OPRD1: variants seen among roughly 807,000 people sequenced by gnomAD.
OPRD1 encodes the protein delta-type opioid receptor.
A neutral mutation model predicts 17.5 loss-of-function variants in OPRD1; 19 were observed. The ratio of observed to expected loss-of-function variants is 1.09; its 90% CI spans 0.76 to 1.60. OPRD1 has a LOEUF of 1.60. Ranked by LOEUF, OPRD1 falls within the 40% of genes most tolerant of loss-of-function variation. The pLI is 0.00. For missense variants in OPRD1, 483 were observed against 547.2 expected (o/e 0.88, Z 1.17); for synonymous variants, 256 against 240.9 (o/e 1.06, Z -0.58).
intron 1 of OPRD1, among the ~76,000 whole-genome samples, chr1:28,815,779 G>A (rs2088667872): frequency 6.6e-6 from 1 of 152,216 alleles, no homozygotes; most frequent in Non-Finnish European, 1.5e-5. Flanking sequence ...TTGAATGAGT[G>A]AATTCTGCCT....
chr1:28,839,184 G>T (rs1334849248), intron 1 of OPRD1, among the ~76,000 whole-genome samples: 1 of 152,198 alleles, frequency 6.6e-6, no homozygotes, highest in African/African-American at 2.4e-5. Flanking sequence ...GCAGGGCTGT[G>T]CTTTCTCTGA....
chr1:28,841,102 C>T (rs1569629572), intron 1 of OPRD1, among the ~76,000 whole-genome samples: 1 of 152,234 alleles, frequency 6.6e-6, no homozygotes, highest in Admixed American at 6.5e-5. Flanking sequence ...ATACTGGCTG[C>T]TGCCCCCTTG....
rs1435121285 is a variant in OPRD1 at position 28,848,945 on chromosome 1, G to A, written c.228-10009G>A. Among the ~76,000 whole-genome samples, 3 of 152,154 alleles carry A rather than the reference G, an allele frequency of 2.0e-5. No individual in the cohort carries two copies. The East Asian group carries it at 5.8e-4, about 29-fold the overall frequency. ...GATGATTGTCTAGAGGGAGTACTGG[G>A]ACTGTTAGGCACCCCCATCTTTGTA... On this transcript the variant is annotated intron_variant, in intron 1 of 2. Transcript: ENST00000234961.
intron 1 of OPRD1, among the ~76,000 whole-genome samples, chr1:28,842,232 A>G (rs1252771605): frequency 6.6e-6 from 1 of 151,776 alleles, no homozygotes; most frequent in African/African-American, 2.4e-5. Context: ...GGTTCGCCAT[A>G]TTGCCCCAGC....
chr1:28,840,331 G>A (rs1255916601), intron 1 of OPRD1, among the ~76,000 whole-genome samples: 1 of 152,070 alleles, frequency 6.6e-6, no homozygotes, highest in Non-Finnish European at 1.5e-5. Flanking sequence ...ATAGCTCACT[G>A]CAGCCTCTAC....
intron 1 of OPRD1, among the ~76,000 whole-genome samples, chr1:28,821,072 CTCTT>C (rs2088709476): frequency 6.6e-6 from 1 of 151,890 alleles, no homozygotes; most frequent in South Asian, 2.1e-4. Context: ...TTTTCTGTCT[CTCTT>C]TCTGTTTCTC....
intron 1 of OPRD1, among the ~76,000 whole-genome samples, chr1:28,858,114 TC>T (rs1424042228): frequency 2.9e-5 from 4 of 135,674 alleles, no homozygotes; most frequent in Non-Finnish European, 6.2e-5. Flanking sequence ...TCTTTTTTTT[TC>T]TTTTTTTTTT....
intron 1 of OPRD1, among the ~76,000 whole-genome samples, chr1:28,820,508 A>G (rs1257390906): frequency 6.6e-6 from 1 of 151,154 alleles, no homozygotes; most frequent in South Asian, 2.1e-4. Flanking sequence ...AGTGGGTGGT[A>G]TAGGGAAACT....
intron 1 of OPRD1, among the ~76,000 whole-genome samples, chr1:28,840,853 G>A (rs371177300): frequency 3.9e-5 from 6 of 152,200 alleles, no homozygotes; most frequent in South Asian, 2.1e-4. Flanking sequence ...ACTGGGAGAC[G>A]GAGGTTGCAG....
At chr1:28,847,319 T>C (rs2088962806) in intron 1 of OPRD1, among the ~76,000 whole-genome samples, 1 of 152,128 alleles carries the variant, frequency 6.6e-6, no homozygotes, top group Admixed American at 6.6e-5. Context: ...CCCAAAGTGC[T>C]GGGATTACAG....
At chr1:28,836,663 A>T (rs914556898) in intron 1 of OPRD1, among the ~76,000 whole-genome samples, 2 of 151,828 alleles carry the variant, frequency 1.3e-5, no homozygotes, top group Admixed American at 1.3e-4. Flanking sequence ...CATTCCAGCT[A>T]CCTCACTTTA....
chr1:28,861,015 C>T (rs1051024931), intron 2 of OPRD1, among the ~76,000 whole-genome samples: 6 of 152,198 alleles, frequency 3.9e-5, no homozygotes, highest in Non-Finnish European at 5.9e-5. Flanking sequence ...CTCACACACA[C>T]ACTTTCCCAG....
At chr1:28,847,200 C>T (rs952078330) in intron 1 of OPRD1, among the ~76,000 whole-genome samples, 9 of 151,936 alleles carry the variant, frequency 5.9e-5, no homozygotes, top group African/African-American at 1.7e-4. Context: ...TACAGGTGCC[C>T]GCCACCATGC....
At chr1:28,843,707 A>C (rs2088916075) in intron 1 of OPRD1, among the ~76,000 whole-genome samples, 1 of 150,624 alleles carries the variant, frequency 6.6e-6, no homozygotes, top group South Asian at 2.1e-4. Flanking sequence ...TGCAACCTCA[A>C]CTTCGGGGTC....
chr1:28,842,445 G>T (rs4654323), intron 1 of OPRD1, among the ~76,000 whole-genome samples: 42,606 of 152,136 alleles, frequency 0.28, 6,224 homozygotes, highest in Middle Eastern at 0.42. Context: ...CAGTTGAGAA[G>T]CCCAGCTCTC....
chr1:28,855,159 T>C (rs565976228), intron 1 of OPRD1, among the ~76,000 whole-genome samples: 13 of 152,222 alleles, frequency 8.5e-5, no homozygotes, highest in Middle Eastern at 6.8e-3. Flanking sequence ...GGGAGGATGG[T>C]ACTTTAGATA....
intron 1 of OPRD1, among the ~76,000 whole-genome samples, chr1:28,848,632 G>A (rs141151170): frequency 1.8e-3 from 278 of 152,338 alleles, no homozygotes; most frequent in African/African-American, 6.4e-3. Flanking sequence ...CCTGTTAGAT[G>A]AGTGAGCAAA....
chr1:28,817,932 C>T (rs2088683354), intron 1 of OPRD1, among the ~76,000 whole-genome samples: 3 of 151,680 alleles, frequency 2.0e-5, no homozygotes, highest in Admixed American at 2.0e-4. Flanking sequence ...GTTGGCCAGG[C>T]TGGTCTCGAA....
chr1:28,850,934 A>G (rs182838584), intron 1 of OPRD1, among the ~76,000 whole-genome samples: 240 of 152,178 alleles, frequency 1.6e-3, no homozygotes, highest in African/African-American at 5.7e-3. Flanking sequence ...AGGAGGCCCA[A>G]TATCTGACTA....
Sources: gnomAD v4.1 joint callset for allele counts (sites outside exome capture counted in the v4.1 genomes callset) on GRCh38, gnomAD v4.1.1 for gene constraint, MANE v1.5 for transcripts, NCBI Gene and HGNC (gene_info 2026-07-23, HGNC 2026-07-21) for gene names.